The following GPHN variants were observed in gnomAD, a reference collection of about 807,000 sequenced individuals.
The protein encoded by GPHN is gephyrin.
GPHN carries 17 observed loss-of-function variants against 95.5 expected under a neutral mutation model. That is an observed-to-expected ratio of 0.18 (90% CI 0.12 to 0.27). The LOEUF is 0.27. Ranked by LOEUF, GPHN falls within the 10% of genes least tolerant of loss-of-function variation. GPHN has a pLI of 1.00. For synonymous variants in GPHN, 320 were observed against 322.5 expected (o/e 0.99, Z 0.08); for missense variants, 660 against 978.1 (o/e 0.67, Z 4.34).
At chr14:67,468,395 G>A in the GPHN span, among the ~76,000 whole-genome samples, 12 of 152,196 alleles carry the variant, frequency 7.9e-5, no homozygotes, top group East Asian at 1.3e-3. Context: ...AGCCTTCTGA[G>A]ACAGGCACCC....
chr14:66,600,107 T>C (rs2062162872), intron 1 of GPHN, among the ~76,000 whole-genome samples: 1 of 152,088 alleles, frequency 6.6e-6, no homozygotes, highest in Non-Finnish European at 1.5e-5. Context: ...GCATATTATC[T>C]CATTTAAAGT....
intron 2 of GPHN, among the ~76,000 whole-genome samples, chr14:66,682,960 ACATT>A (rs2067031628): frequency 6.6e-6 from 1 of 152,080 alleles, no homozygotes; most frequent in African/African-American, 2.4e-5. Context: ...ATGTAGAATA[ACATT>A]CATCATTTAA....
At chr14:66,644,808 A>G (rs1039568631) in intron 1 of GPHN, among the ~76,000 whole-genome samples, 8 of 152,202 alleles carry the variant, frequency 5.3e-5, no homozygotes, top group Non-Finnish European at 7.4e-5. Flanking sequence ...TCAGTCACTA[A>G]CTAAACAAAT....
intron 2 of GPHN, among the ~76,000 whole-genome samples, chr14:66,715,261 A>C (rs1192501280): frequency 6.6e-6 from 1 of 151,940 alleles, no homozygotes; most frequent in African/African-American, 2.4e-5. Flanking sequence ...TAGTTTATGC[A>C]CATTAAGGTG....
intron 4 of GPHN, among the ~76,000 whole-genome samples, chr14:66,853,132 G>C (rs1319321969): frequency 4.6e-5 from 7 of 152,048 alleles, no homozygotes; most frequent in African/African-American, 1.7e-4. Context: ...CCAAATTTTA[G>C]TGAATTCTAA....
At chr14:67,537,346 AAATAAT>A in the GPHN span, among the ~76,000 whole-genome samples, 112 of 126,602 alleles carry the variant, frequency 8.8e-4, 2 homozygotes, top group African/African-American at 2.7e-3. Context: ...TCCATCTCAA[AAATAAT>A]AATAATAATA....
chr14:67,380,598 G>T, the GPHN span: 1 of 907,302 alleles, frequency 1.1e-6, no homozygotes, highest in Non-Finnish European at 1.6e-6. Flanking sequence ...ATAGTGTTTG[G>T]TTTCACATTT....
the GPHN span, chr14:67,571,515 G>A: frequency 4.4e-6 from 2 of 451,814 alleles, no homozygotes; most frequent in Admixed American, 6.5e-5. Flanking sequence ...CAGTCGTGAT[G>A]GGCAGCTGCT....
rs537436548 is a variant in GPHN, at chr14:66,553,959, A to T, written c.64+45368A>T. The stretch of plus-strand genomic sequence containing the variant: ...TTTGTTAATTTCTCAGTTAATCTAA[A>T]TTATTGATTTTTAACGTGATAGTTT... On this transcript the variant is annotated intron_variant, in intron 1 of 22. Coordinates refer to ENST00000478722, the MANE Select transcript of GPHN (RefSeq NM_020806.5). Among the ~76,000 whole-genome samples the T allele has an allele frequency of 9.9e-5, 15 of 152,276 alleles. No individual in the cohort carries two copies. In the South Asian group the frequency reaches 3.1e-3, roughly 32 times the overall value.
At chr14:66,845,167 A>G (rs1188865099) in intron 4 of GPHN, among the ~76,000 whole-genome samples, 2 of 152,196 alleles carry the variant, frequency 1.3e-5, no homozygotes, top group Non-Finnish European at 2.9e-5. Flanking sequence ...GCTTTTACAA[A>G]TAATGCTCCT....
intron 4 of GPHN, among the ~76,000 whole-genome samples, chr14:66,840,749 A>G (rs1482282783): frequency 3.6e-4 from 55 of 151,662 alleles, no homozygotes; most frequent in Admixed American, 3.6e-3. Flanking sequence ...AAAAAAAAAA[A>G]AAAAACAGGA....
chr14:67,112,050 C>T, intron 15 of GPHN, 131 bp downstream of exon 15: 2 of 740,654 alleles, frequency 2.7e-6, no homozygotes, highest in Admixed American at 2.1e-5. Context: ...TAACAAAAAG[C>T]AAAATGAATG....
intron 9 of GPHN, among the ~76,000 whole-genome samples, chr14:66,974,439 A>C (rs1003287315): frequency 4.6e-5 from 7 of 152,008 alleles, no homozygotes; most frequent in Admixed American, 2.0e-4. Flanking sequence ...CTAATTATTT[A>C]ATGGTCACAG....
the GPHN span, among the ~76,000 whole-genome samples, chr14:67,306,537 T>G: frequency 5.6e-5 from 8 of 142,320 alleles, no homozygotes; most frequent in South Asian, 2.2e-4. Context: ...GTGTGTGTGT[T>G]TGTGTATTTT....
the GPHN span, chr14:67,221,809 T>C: frequency 6.2e-7 from 1 of 1,613,134 alleles, no homozygotes; most frequent in Non-Finnish European, 8.5e-7. Context: ...ACACTTCAGG[T>C]ATGGAACAAA....
At chr14:67,459,092 G>A in the GPHN span, among the ~76,000 whole-genome samples, 1 of 152,118 alleles carries the variant, frequency 6.6e-6, no homozygotes, top group African/African-American at 2.4e-5. Context: ...GTTTTGCCAT[G>A]TTGGCCAGGC....
chr14:66,509,721 G>A (rs2057961185), intron 1 of GPHN, among the ~76,000 whole-genome samples: 1 of 152,098 alleles, frequency 6.6e-6, no homozygotes, highest in Non-Finnish European at 1.5e-5. Context: ...GAAGCAGTGT[G>A]GACGGGAATC....
the GPHN span, chr14:67,392,243 C>T: frequency 3.2e-6 from 3 of 940,666 alleles, no homozygotes; most frequent in Non-Finnish European, 5.3e-6. Flanking sequence ...GCAGCCTCAG[C>T]CCTTCCCTTC....
chr14:67,518,941 A>C, the GPHN span, among the ~76,000 whole-genome samples: 1 of 152,226 alleles, frequency 6.6e-6, no homozygotes, highest in African/African-American at 2.4e-5. Context: ...AGATGCTATG[A>C]TAAGAAAGCA....
Sources: gnomAD v4.1 joint callset for allele counts (sites outside exome capture counted in the v4.1 genomes callset) on GRCh38, gnomAD v4.1.1 for gene constraint, MANE v1.5 for transcripts, NCBI Gene and HGNC (gene_info 2026-07-23, HGNC 2026-07-21) for gene names.